BMPER: variants seen among roughly 807,000 people sequenced by gnomAD.
BMPER encodes the protein BMP binding endothelial regulator.
BMPER carries 45 observed loss-of-function variants against 87.3 expected under a neutral mutation model. The ratio of observed to expected loss-of-function variants is 0.52; its 90% CI spans 0.41 to 0.66. BMPER has a LOEUF of 0.66. Ranked by LOEUF, BMPER falls within the 30% of genes least tolerant of loss-of-function variation. The pLI, the probability that BMPER is intolerant of heterozygous loss-of-function variation, is 0.00. For missense variants in BMPER, 784 were observed against 867.5 expected (o/e 0.90, Z 1.21); for synonymous variants, 326 against 316.2 (o/e 1.03, Z -0.33).
At chr7:34,010,098 TCAAACCTGC>T (rs1359509728) in intron 6 of BMPER, among the ~76,000 whole-genome samples, 4 of 151,948 alleles carry the variant, frequency 2.6e-5, no homozygotes, top group Admixed American at 2.6e-4. Flanking sequence ...ACACTCTCCT[TCAAACCTGC>T]CATGTCTTCT....
At chr7:34,039,702 G>A (rs973116556) in intron 6 of BMPER, among the ~76,000 whole-genome samples, 18 of 151,862 alleles carry the variant, frequency 1.2e-4, no homozygotes, top group African/African-American at 4.4e-4. Flanking sequence ...GTGTATATGT[G>A]TATGTATATG....
intron 2 of BMPER, among the ~76,000 whole-genome samples, chr7:33,932,315 A>G (rs1221919647): frequency 6.6e-6 from 1 of 152,230 alleles, no homozygotes; most frequent in Non-Finnish European, 1.5e-5. Flanking sequence ...CAGTCACACT[A>G]CCTGGCCTGT....
intron 6 of BMPER, among the ~76,000 whole-genome samples, chr7:34,007,954 T>C (rs943063461): frequency 6.6e-6 from 1 of 151,974 alleles, no homozygotes; most frequent in African/African-American, 2.4e-5. Flanking sequence ...GACCATACCC[T>C]TGTCAACACA....
rs566721821 is a variant in BMPER at position 34,102,308 on chromosome 7, T to C, written c.1745+16216T>C. Among the ~76,000 whole-genome samples, 15 of 152,316 alleles carry C rather than the reference T, an allele frequency of 9.8e-5. No individual in the cohort carries two copies. In the South Asian group the frequency reaches 2.5e-3, roughly 25 times the overall value. ...GCCTCATGCTCCTCATTGGTTCTGATTGGGGCTGTCGCCATTTCTAAACCA... is the reference window on the plus strand; with the variant it reads ...GCCTCATGCTCCTCATTGGTTCTGACTGGGGCTGTCGCCATTTCTAAACCA... On this transcript the variant is annotated intron_variant, in intron 13 of 14. Transcript: ENST00000649409.
chr7:34,047,634 G>A (rs114897332), intron 7 of BMPER, among the ~76,000 whole-genome samples: 2,015 of 152,128 alleles, frequency 0.013, 53 homozygotes, highest in African/African-American at 0.045. Context: ...AGACTATTAA[G>A]TTTCAAATAA....
intron 13 of BMPER, among the ~76,000 whole-genome samples, chr7:34,097,546 G>A (rs1006141738): frequency 5.3e-5 from 8 of 152,034 alleles, no homozygotes; most frequent in African/African-American, 1.9e-4. Flanking sequence ...TAGCCTATGT[G>A]TTAGGTCCAT....
intron 2 of BMPER, among the ~76,000 whole-genome samples, chr7:33,929,541 GC>G (rs1784433920): frequency 6.6e-6 from 1 of 152,198 alleles, no homozygotes; most frequent in African/African-American, 2.4e-5. Context: ...AAAATGGGGT[GC>G]TCAACAAAGG....
chr7:34,119,321 C>T (rs1199004005), intron 13 of BMPER, among the ~76,000 whole-genome samples: 4 of 152,128 alleles, frequency 2.6e-5, no homozygotes, highest in Non-Finnish European at 5.9e-5. Flanking sequence ...AACCAAACAC[C>T]AACATTTTTT....
chr7:34,021,362 C>T (rs957706216), intron 6 of BMPER, among the ~76,000 whole-genome samples: 1 of 152,002 alleles, frequency 6.6e-6, no homozygotes, highest in African/African-American at 2.4e-5. Flanking sequence ...ATCTGACTTA[C>T]TGAATTCAAA....
At chr7:34,031,405 T>TATA (rs1418129831) in intron 6 of BMPER, among the ~76,000 whole-genome samples, 1 of 152,108 alleles carries the variant, frequency 6.6e-6, no homozygotes, top group Non-Finnish European at 1.5e-5. Context: ...GTTGAACTTA[T>TATA]ATAAATATAT....
At chr7:34,052,921 A>G (rs571134649) in intron 8 of BMPER, among the ~76,000 whole-genome samples, 35 of 152,200 alleles carry the variant, frequency 2.3e-4, no homozygotes, top group Admixed American at 8.5e-4. Context: ...TCCTCCTCCC[A>G]TGGTTTGTGT....
chr7:33,995,808 T>A (rs985829670), intron 6 of BMPER, among the ~76,000 whole-genome samples: 2 of 152,182 alleles, frequency 1.3e-5, no homozygotes, highest in Non-Finnish European at 2.9e-5. Flanking sequence ...GGGTCCCATG[T>A]TCAGAGTCTT....
At chr7:34,126,679 C>A (rs184283834) in intron 13 of BMPER, among the ~76,000 whole-genome samples, 1 of 152,270 alleles carries the variant, frequency 6.6e-6, no homozygotes, top group African/African-American at 2.4e-5. Context: ...CTCTTACTTT[C>A]TTCCCCAGTG....
intron 2 of BMPER, among the ~76,000 whole-genome samples, chr7:33,925,303 CTT>C (rs1290921861): frequency 6.6e-6 from 1 of 152,150 alleles, no homozygotes; most frequent in Non-Finnish European, 1.5e-5. Flanking sequence ...GTACTCTAAA[CTT>C]TGCTTTTTCG....
intron 6 of BMPER, among the ~76,000 whole-genome samples, chr7:34,024,636 G>A (rs1255478681): frequency 6.6e-6 from 1 of 150,954 alleles, no homozygotes; most frequent in Non-Finnish European, 1.5e-5. Flanking sequence ...CTTTCTTGAT[G>A]TATCAGTTTA....
chr7:34,078,675 A>G (rs1788928979), intron 11 of BMPER, among the ~76,000 whole-genome samples, 182 bp from the exon 12 acceptor site: 1 of 152,218 alleles, frequency 6.6e-6, no homozygotes, highest in Non-Finnish European at 1.5e-5. Context: ...AAGAACCAGA[A>G]GTATTCTGAG....
At chr7:33,974,589 A>G in intron 5 of BMPER, 113 bp from the exon 6 acceptor site, 1 of 1,030,216 alleles carries the variant, frequency 9.7e-7, no homozygotes, top group Non-Finnish European at 1.5e-6. Context: ...CTGGTTGAAG[A>G]GGACACTCAG....
At chr7:34,066,113 C>T (rs867025966) in intron 11 of BMPER, among the ~76,000 whole-genome samples, 1 of 152,172 alleles carries the variant, frequency 6.6e-6, no homozygotes, top group Non-Finnish European at 1.5e-5. Context: ...GGGGCTGTCT[C>T]AGATCTCTGA....
At chr7:34,048,879 A>G (rs1788064567) in intron 7 of BMPER, among the ~76,000 whole-genome samples, 1 of 152,154 alleles carries the variant, frequency 6.6e-6, no homozygotes, top group African/African-American at 2.4e-5. Context: ...GTTTTATCTT[A>G]TGTTGGACCA....
Sources: allele counts gnomAD v4.1 joint callset (sites outside exome capture counted in the v4.1 genomes callset), GRCh38; gene constraint gnomAD v4.1.1; transcripts MANE v1.5; gene names NCBI Gene and HGNC (gene_info 2026-07-23, HGNC 2026-07-21).